CFAP263: variants seen among roughly 807,000 people sequenced by gnomAD.
CFAP263 encodes the protein cilia and flagella associated protein 263, also known as cilia- and flagella-associated protein 263.
the CFAP263 span, among the ~76,000 whole-genome samples, chr16:58,275,024 G>A: frequency 4.6e-5 from 7 of 152,264 alleles, no homozygotes; most frequent in East Asian, 7.7e-4. Flanking sequence ...CCATCTGGAC[G>A]GGAGTATGCA....
At chr16:58,264,335 T>C in the CFAP263 span, among the ~76,000 whole-genome samples, 1 of 152,084 alleles carries the variant, frequency 6.6e-6, no homozygotes, top group Non-Finnish European at 1.5e-5. Flanking sequence ...GTTTTGGAAA[T>C]GGAGCTACTG....
the CFAP263 span, among the ~76,000 whole-genome samples, chr16:58,260,844 A>G: frequency 6.6e-6 from 1 of 152,198 alleles, no homozygotes; most frequent in Non-Finnish European, 1.5e-5. Context: ...ATTTAACAGC[A>G]TGAAGTGATG....
At chr16:58,277,779 G>C in the CFAP263 span, among the ~76,000 whole-genome samples, 2 of 152,206 alleles carry the variant, frequency 1.3e-5, no homozygotes, top group Non-Finnish European at 2.9e-5. Context: ...ACTACCATGT[G>C]TAGGAAACTC....
the CFAP263 span, among the ~76,000 whole-genome samples, chr16:58,269,315 A>C: frequency 0.14 from 21,612 of 151,958 alleles, 1,661 homozygotes; most frequent in East Asian, 0.2. Context: ...TCAGTGACAG[A>C]GGGAGACTCT....
the CFAP263 span, chr16:58,262,249 GATGCCCAAT>G: frequency 1.3e-6 from 1 of 771,290 alleles, no homozygotes; most frequent in Non-Finnish European, 2.1e-6. Context: ...GGACCAAACA[GATGCCCAAT>G]ATGTGTTTGC....
the CFAP263 span, among the ~76,000 whole-genome samples, chr16:58,254,900 G>T: frequency 6.6e-6 from 1 of 152,048 alleles, no homozygotes; most frequent in Non-Finnish European, 1.5e-5. Flanking sequence ...CCACTGCGCC[G>T]GGCCTACAAT....
the CFAP263 span, among the ~76,000 whole-genome samples, chr16:58,271,396 T>C: frequency 6.6e-6 from 1 of 152,226 alleles, no homozygotes; most frequent in African/African-American, 2.4e-5. Context: ...ACAATGTGTT[T>C]ATTACTATTA....
chr16:58,271,387 CA>C, the CFAP263 span, among the ~76,000 whole-genome samples: 1 of 152,198 alleles, frequency 6.6e-6, no homozygotes, highest in African/African-American at 2.4e-5. Flanking sequence ...TACATCAGTA[CA>C]ATGTGTTTAT....
chr16:58,252,195 A>G, the CFAP263 span, among the ~76,000 whole-genome samples: 1 of 151,746 alleles, frequency 6.6e-6, no homozygotes, highest in African/African-American at 2.4e-5. Context: ...ATAGCAAGAT[A>G]CCACCTCTAC....
At chr16:58,260,338 G>A in the CFAP263 span, among the ~76,000 whole-genome samples, 1 of 152,198 alleles carries the variant, frequency 6.6e-6, no homozygotes, top group Admixed American at 6.5e-5. Flanking sequence ...ATGCAGCCCT[G>A]CTGAGATCCT....
the CFAP263 span, among the ~76,000 whole-genome samples, chr16:58,269,345 CA>C: frequency 4.8e-4 from 48 of 100,994 alleles, no homozygotes; most frequent in Admixed American, 3.0e-3. Context: ...CAAAACAAAA[CA>C]AAAAAAACTA....
the CFAP263 span, among the ~76,000 whole-genome samples, chr16:58,252,460 G>C: frequency 6.6e-6 from 1 of 151,962 alleles, no homozygotes; most frequent in African/African-American, 2.4e-5. Flanking sequence ...TGTAATACTA[G>C]TGTTCTGAAT....
the CFAP263 span, among the ~76,000 whole-genome samples, chr16:58,260,605 T>C: frequency 2.6e-5 from 4 of 152,170 alleles, no homozygotes; most frequent in Non-Finnish European, 5.9e-5. Context: ...GTGTCTAGCA[T>C]CGCCATCAGC....
the CFAP263 span, among the ~76,000 whole-genome samples, chr16:58,263,080 G>A: frequency 6.6e-6 from 1 of 152,172 alleles, no homozygotes; most frequent in Non-Finnish European, 1.5e-5. Context: ...AGGGAAAAGA[G>A]GCACTATTAA....
chr16:58,281,052 C>G, the CFAP263 span: 2 of 352,660 alleles, frequency 5.7e-6, no homozygotes, highest in Non-Finnish European at 1.0e-5. Flanking sequence ...CCTTCCCTCT[C>G]TTCTGGCTTC....
chr16:58,271,880 T>C, the CFAP263 span, among the ~76,000 whole-genome samples: 2 of 152,250 alleles, frequency 1.3e-5, no homozygotes, highest in South Asian at 2.1e-4. Flanking sequence ...GAAGTCACTA[T>C]GTACAGCCCA....
At chr16:58,280,888 G>T in the CFAP263 span, 1 of 807,730 alleles carries the variant, frequency 1.2e-6, no homozygotes, top group Non-Finnish European at 1.9e-6. Context: ...GCAAATTATA[G>T]GATACAATTT....
the CFAP263 span, among the ~76,000 whole-genome samples, chr16:58,267,048 C>T: frequency 1.3e-5 from 2 of 152,164 alleles, no homozygotes; most frequent in African/African-American, 2.4e-5. Context: ...GAGTATTCCC[C>T]ACGCTCCATC....
At chr16:58,254,282 C>T in the CFAP263 span, 31 of 1,001,686 alleles carry the variant, frequency 3.1e-5, no homozygotes, top group African/African-American at 4.8e-5. Flanking sequence ...TAGGATGAAG[C>T]GAATCCAGGG....
Sources: gnomAD v4.1 joint callset for allele counts (sites outside exome capture counted in the v4.1 genomes callset) on GRCh38, gnomAD v4.1.1 for gene constraint, MANE v1.5 for transcripts, NCBI Gene and HGNC (gene_info 2026-07-23, HGNC 2026-07-21) for gene names.